CADPS2: variants seen among roughly 807,000 people sequenced by gnomAD.
CADPS2 encodes calcium-dependent secretion activator 2.
CADPS2 carries 93 observed loss-of-function variants against 172.5 expected under a neutral mutation model. The observed-to-expected ratio is 0.54, with a 90% CI of 0.46 to 0.64. CADPS2 has a LOEUF of 0.64. Ranked by LOEUF, CADPS2 falls within the 30% of genes least tolerant of loss-of-function variation. The pLI is 0.00. For missense variants in CADPS2, 1,420 were observed against 1,565.9 expected (o/e 0.91, Z 1.57); for synonymous variants, 546 against 555.2 (o/e 0.98, Z 0.23).
chr7:122,878,685 AATAC>A (rs1822012455), intron 1 of CADPS2, among the ~76,000 whole-genome samples: 1 of 138,962 alleles, frequency 7.2e-6, no homozygotes, highest in Admixed American at 7.3e-5. Flanking sequence ...TAAATAAATA[AATAC>A]AAAGTTGTCA....
At chr7:122,833,667 G>A (rs1035582165) in intron 1 of CADPS2, among the ~76,000 whole-genome samples, 3 of 152,018 alleles carry the variant, frequency 2.0e-5, no homozygotes, top group East Asian at 3.9e-4. Flanking sequence ...AAGTGCTGGG[G>A]TTACAGACAT....
intron 2 of CADPS2, among the ~76,000 whole-genome samples, chr7:122,717,747 C>T (rs2089819279): frequency 6.6e-6 from 1 of 152,042 alleles, no homozygotes; most frequent in Non-Finnish European, 1.5e-5. Flanking sequence ...TAGTAAAATT[C>T]CTGTGCAGAA....
chr7:122,400,520 A>G (rs1002001408), intron 20 of CADPS2, among the ~76,000 whole-genome samples: 4 of 152,266 alleles, frequency 2.6e-5, no homozygotes, highest in East Asian at 1.9e-4. Flanking sequence ...GTGGAATTCA[A>G]CTGAGGGGAA....
At chr7:122,629,199 C>A (rs767896227) in intron 4 of CADPS2, 49 bp downstream of exon 4, 3 of 1,409,302 alleles carry the variant, frequency 2.1e-6, no homozygotes, top group Non-Finnish European at 2.9e-6. Context: ...TCACAGAAAT[C>A]TAGGTAAAGA....
intron 25 of CADPS2, among the ~76,000 whole-genome samples, chr7:122,368,416 T>A (rs1052350871): frequency 2.0e-5 from 3 of 152,106 alleles, no homozygotes; most frequent in Non-Finnish European, 4.4e-5. Flanking sequence ...TGTGGAGAGA[T>A]CATAGGCTTA....
chr7:122,653,414 C>G (rs760559275), intron 3 of CADPS2, among the ~76,000 whole-genome samples: 1 of 152,176 alleles, frequency 6.6e-6, no homozygotes, highest in Non-Finnish European at 1.5e-5. Flanking sequence ...ACCTGCCTCC[C>G]CAAGGCCTGC....
chr7:122,583,667 T>C (rs976192130), intron 6 of CADPS2, among the ~76,000 whole-genome samples: 4 of 151,026 alleles, frequency 2.6e-5, no homozygotes, highest in African/African-American at 9.7e-5. Context: ...GAAGGAGATA[T>C]TGTACGTGTG....
intron 9 of CADPS2, among the ~76,000 whole-genome samples, chr7:122,512,014 G>A (rs2060036890): frequency 1.3e-5 from 2 of 151,858 alleles, no homozygotes; most frequent in Non-Finnish European, 2.9e-5. Flanking sequence ...TTAAATCTGT[G>A]TGTGCACGTG....
chr7:122,518,580 G>C (rs1434317836), intron 8 of CADPS2, among the ~76,000 whole-genome samples: 2 of 152,006 alleles, frequency 1.3e-5, no homozygotes, highest in Non-Finnish European at 2.9e-5. Context: ...AGAGTACCTC[G>C]GCTAGGTGTA....
In CADPS2 at chr7:122,481,232, C is replaced by T. The variant is rs117461597; in HGVS notation, c.1853-372G>A. Among the ~76,000 whole-genome samples the T allele has an allele frequency of 7.1e-3, 1,018 of 142,396 alleles. 5 individuals are homozygous for T. Among genetic ancestry groups the T allele is most frequent in the Non-Finnish European group, 0.012 (788 of 66,830 alleles). The allele number at this position is 142,396 out of a possible 152,430, so 93.4% of individuals were successfully genotyped here. On this transcript the variant is annotated intron_variant, in intron 11 of 29. Transcript: ENST00000449022. Reference sequence around the variant, plus strand: ...CCAGGCTGGAGTGCAGTGGTGCGAACGTGGCTCACTGCAAGCTCTGCCTCC... The same window carrying T: ...CCAGGCTGGAGTGCAGTGGTGCGAATGTGGCTCACTGCAAGCTCTGCCTCC...
chr7:122,653,371 C>G (rs1051670963), intron 3 of CADPS2, among the ~76,000 whole-genome samples: 2 of 152,144 alleles, frequency 1.3e-5, no homozygotes, highest in Admixed American at 1.3e-4. Flanking sequence ...ACACCTGAGC[C>G]AGGTTCCAGC....
intron 1 of CADPS2, among the ~76,000 whole-genome samples, 183 bp downstream of exon 1, chr7:122,885,816 G>A (rs985841141): frequency 2.6e-5 from 4 of 152,150 alleles, no homozygotes; most frequent in African/African-American, 9.7e-5. Context: ...AGAGGTGTCC[G>A]CTGCAGCCGC....
intron 1 of CADPS2, among the ~76,000 whole-genome samples, chr7:122,849,304 C>T (rs930292626): frequency 1.1e-4 from 16 of 152,152 alleles, no homozygotes; most frequent in African/African-American, 3.9e-4. Context: ...TATTTTTTCA[C>T]TTATATTTAA....
chr7:122,705,500 TTA>T (rs2086871904), intron 2 of CADPS2, among the ~76,000 whole-genome samples: 1 of 122,414 alleles, frequency 8.2e-6, no homozygotes, highest in Non-Finnish European at 1.6e-5. Context: ...ATTATCTATA[TTA>T]TATATTATCT....
chr7:122,839,291 A>C (rs1809614131), intron 1 of CADPS2, among the ~76,000 whole-genome samples: 1 of 152,200 alleles, frequency 6.6e-6, no homozygotes, highest in South Asian at 2.1e-4. Context: ...AGATGGATTA[A>C]AGACTTAAAT....
In CADPS2 at chr7:122,651,943, T is replaced by G. The variant is rs146377532; in HGVS notation, c.786+11294A>C. On this transcript the variant is annotated intron_variant, in intron 3 of 29. Transcript: ENST00000449022. ...TCCATAAGGTGCTTACCTACCTCTG[T>G]TAATATCTCAAATACAGCCCCATCT... Among the ~76,000 whole-genome samples, 411 of 152,286 alleles carry G rather than the reference T, an allele frequency of 2.7e-3. 1 individual carries two copies. Among genetic ancestry groups the G allele is most frequent in the African/African-American group, 8.9e-3 (368 of 41,556 alleles).
intron 1 of CADPS2, among the ~76,000 whole-genome samples, chr7:122,783,095 G>A (rs191251475): frequency 6.6e-6 from 1 of 151,496 alleles, no homozygotes; most frequent in East Asian, 2.0e-4. Context: ...GGGCGCCTGT[G>A]GTCCCAGCTA....
At chr7:122,677,778 A>G (rs573415365) in intron 2 of CADPS2, among the ~76,000 whole-genome samples, 1 of 152,234 alleles carries the variant, frequency 6.6e-6, no homozygotes, top group East Asian at 1.9e-4. Context: ...TTTCACCACC[A>G]TGCAATCAAG....
At chr7:122,728,199 CCT>C (rs1233822855) in intron 2 of CADPS2, among the ~76,000 whole-genome samples, 1 of 151,620 alleles carries the variant, frequency 6.6e-6, no homozygotes, top group Non-Finnish European at 1.5e-5. Flanking sequence ...CTTCCCAGCT[CCT>C]CTCTCTCTCT....
Sources: allele counts gnomAD v4.1 joint callset (sites outside exome capture counted in the v4.1 genomes callset), GRCh38; gene constraint gnomAD v4.1.1; transcripts MANE v1.5; gene names NCBI Gene and HGNC (gene_info 2026-07-23, HGNC 2026-07-21).